The following FAM107B variants were observed in gnomAD, a reference collection of about 807,000 sequenced individuals.
FAM107B encodes the protein protein FAM107B.
Under a neutral mutation model 31.5 loss-of-function variants are expected in FAM107B, and 21 were observed. The observed-to-expected ratio is 0.67, with a 90% CI of 0.47 to 0.96. The LOEUF is 0.96. FAM107B is among the 40% of genes least tolerant of loss of function. The pLI is 0.00. For missense variants in FAM107B, 452 were observed against 377.1 expected (o/e 1.20, Z -1.64); for synonymous variants, 157 against 141.5 (o/e 1.11, Z -0.78).
rs114180988 is a variant in FAM107B, at chr10:14,648,875, G to C, written c.469+18759C>G. ...TGTGCACTGCATGGATGCTATGATA[G>C]AGATTAAAAAAGACACAGAGACAAT... On this transcript the variant is annotated intron_variant, in intron 2 of 4. Transcript: ENST00000181796. 5.5e-3 allele frequency among the ~76,000 whole-genome samples: 841 copies of C among 152,290 alleles called. 11 individuals are homozygous for C. Among genetic ancestry groups the C allele is most frequent in the African/African-American group, 0.02 (812 of 41,548 alleles).
intron 1 of FAM107B, chr10:14,724,063 G>A (rs1438559307): frequency 1.4e-6 from 1 of 723,360 alleles, no homozygotes; most frequent in Non-Finnish European, 2.4e-6. Context: ...CATTGTGAAA[G>A]TTTCCCTTTA....
At chr10:14,581,810 G>T (rs1254661622) in intron 2 of FAM107B, among the ~76,000 whole-genome samples, 2 of 152,176 alleles carry the variant, frequency 1.3e-5, no homozygotes, top group South Asian at 4.1e-4. Context: ...GGCTGGGGTG[G>T]GAGGATCACT....
chr10:14,573,134 G>A (rs1484848493), intron 2 of FAM107B, among the ~76,000 whole-genome samples: 2 of 152,128 alleles, frequency 1.3e-5, no homozygotes, highest in Admixed American at 6.5e-5. Context: ...TGCTCAGTCA[G>A]TGCACTGTGG....
intron 2 of FAM107B, among the ~76,000 whole-genome samples, chr10:14,558,780 C>CCT (rs1849941444): frequency 6.6e-6 from 1 of 152,074 alleles, no homozygotes; most frequent in African/African-American, 2.4e-5. Context: ...AAACACAACA[C>CCT]CTTAATATGT....
intron 2 of FAM107B, among the ~76,000 whole-genome samples, chr10:14,626,897 T>C (rs1417584437): frequency 2.0e-5 from 3 of 152,222 alleles, no homozygotes; most frequent in African/African-American, 4.8e-5. Flanking sequence ...GTGTTTTATC[T>C]GCACCCACCT....
At chr10:14,546,876 CATT>C (rs888393976) in intron 2 of FAM107B, among the ~76,000 whole-genome samples, 4 of 152,190 alleles carry the variant, frequency 2.6e-5, no homozygotes, top group South Asian at 2.1e-4. Flanking sequence ...GATGGGCCCA[CATT>C]ACTACCACAA....
chr10:14,686,035 CCT>C (rs1204206431), intron 1 of FAM107B, among the ~76,000 whole-genome samples: 2 of 152,252 alleles, frequency 1.3e-5, no homozygotes, highest in South Asian at 2.1e-4. Context: ...ACCCCACCCC[CCT>C]GATTCAATTA....
Position 14,527,887 on chromosome 10 carries a change from G to A in FAM107B, c.653+2445C>T, listed in dbSNP as rs12262581. 1,624 of 233,342 alleles carry A rather than the reference G, an allele frequency of 7.0e-3. 20 individuals carry two copies. Among genetic ancestry groups the A allele is most frequent in the African/African-American group, 0.036 (1,531 of 42,638 alleles). The allele number at this position is 233,342 out of a possible 1,614,324, so 14.5% of individuals were successfully genotyped here. A position where few individuals can be genotyped will look rare whatever the true frequency, so the allele number is the denominator to read the frequency against. ...AAAGATGAATAAAAGGAAAGAAACT[G>A]AGAAATTCTCACTTTAAAATCACTG... On this transcript the variant is annotated intron_variant, in intron 3 of 4. Transcript: ENST00000181796.
chr10:14,747,598 A>C (rs889897517), intron 1 of FAM107B, among the ~76,000 whole-genome samples: 1 of 152,178 alleles, frequency 6.6e-6, no homozygotes, highest in Non-Finnish European at 1.5e-5. Context: ...GATCCTATGC[A>C]TCTGGGTTCC....
chr10:14,650,159 C>T (rs970822006), intron 2 of FAM107B, among the ~76,000 whole-genome samples: 2 of 151,976 alleles, frequency 1.3e-5, no homozygotes, highest in Non-Finnish European at 2.9e-5. Flanking sequence ...ATGAAAGCCT[C>T]TTCACCTGCA....
chr10:14,573,729 T>A (rs12769340), intron 2 of FAM107B, among the ~76,000 whole-genome samples: 24,912 of 151,942 alleles, frequency 0.16, 2,375 homozygotes, highest in Middle Eastern at 0.28. Context: ...GGCAACTCCA[T>A]CTCAAAATAA....
At chr10:14,584,807 G>A (rs997441776) in intron 2 of FAM107B, among the ~76,000 whole-genome samples, 5 of 152,180 alleles carry the variant, frequency 3.3e-5, no homozygotes, top group Non-Finnish European at 5.9e-5. Context: ...CTGCATGGCA[G>A]GTGAAACTGA....
At chr10:14,661,926 G>C (rs1225314339) in intron 2 of FAM107B, among the ~76,000 whole-genome samples, 1 of 152,120 alleles carries the variant, frequency 6.6e-6, no homozygotes, top group Admixed American at 6.5e-5. Flanking sequence ...TGGCATTGTG[G>C]CCTTTCCCTT....
chr10:14,594,043 C>A (rs893951876), intron 2 of FAM107B, among the ~76,000 whole-genome samples: 3 of 152,196 alleles, frequency 2.0e-5, no homozygotes, highest in Admixed American at 6.5e-5. Context: ...CTGGTAAACA[C>A]AACATTTAAA....
chr10:14,612,927 C>T (rs747518091), intron 2 of FAM107B, among the ~76,000 whole-genome samples: 37 of 152,148 alleles, frequency 2.4e-4, no homozygotes, highest in African/African-American at 6.7e-4. Context: ...AAATACAAGT[C>T]GCTACAAAGT....
intron 2 of FAM107B, among the ~76,000 whole-genome samples, chr10:14,597,606 A>C (rs1421913274): frequency 6.6e-6 from 1 of 152,174 alleles, no homozygotes; most frequent in Non-Finnish European, 1.5e-5. Flanking sequence ...CCATCCTCCA[A>C]GTGTCCCTGT....
intron 3 of FAM107B, among the ~76,000 whole-genome samples, chr10:14,525,516 T>C (rs1846133283): frequency 6.6e-6 from 1 of 152,234 alleles, no homozygotes; most frequent in Non-Finnish European, 1.5e-5. Context: ...ATGTTCTATG[T>C]GAACAGTGGC....
intron 3 of FAM107B, among the ~76,000 whole-genome samples, chr10:14,524,861 T>C (rs1215169486): frequency 6.6e-6 from 1 of 152,270 alleles, no homozygotes; most frequent in Non-Finnish European, 1.5e-5. Context: ...AGATTTGATG[T>C]ATGACACATT....
At chr10:14,549,536 A>G (rs975384796) in intron 2 of FAM107B, among the ~76,000 whole-genome samples, 7 of 152,210 alleles carry the variant, frequency 4.6e-5, no homozygotes, top group Non-Finnish European at 8.8e-5. Flanking sequence ...GTACTGGAAT[A>G]AGGGAGTAAA....
Sources: allele counts gnomAD v4.1 joint callset (sites outside exome capture counted in the v4.1 genomes callset), GRCh38; gene constraint gnomAD v4.1.1; transcripts MANE v1.5; gene names NCBI Gene and HGNC (gene_info 2026-07-23, HGNC 2026-07-21).